The following KIAA0513 variants were observed in gnomAD, a reference collection of about 807,000 sequenced individuals.
The protein encoded by KIAA0513 is uncharacterized protein KIAA0513.
Under a neutral mutation model 56.5 loss-of-function variants are expected in KIAA0513, and 39 were observed. The ratio of observed to expected loss-of-function variants is 0.69; its 90% CI spans 0.53 to 0.90. KIAA0513 has a LOEUF of 0.90. KIAA0513 is among the 40% of genes least tolerant of loss of function. The pLI is 0.00. For synonymous variants in KIAA0513, 268 were observed against 215.6 expected (o/e 1.24, Z -2.13); for missense variants, 591 against 535.2 (o/e 1.10, Z -1.03).
intron 1 of KIAA0513, among the ~76,000 whole-genome samples, chr16:85,043,516 A>T (rs963493760): frequency 6.7e-6 from 1 of 149,250 alleles, no homozygotes; most frequent in African/African-American, 2.5e-5. Context: ...GGTTCAAGCA[A>T]TTCTCATGCC....
intron 1 of KIAA0513, among the ~76,000 whole-genome samples, chr16:85,029,005 A>G (rs2072926538): frequency 6.6e-6 from 1 of 152,214 alleles, no homozygotes; most frequent in Non-Finnish European, 1.5e-5. Context: ...CGTTCAAAGG[A>G]AAAAGGTTTG....
At chr16:85,082,127 G>C (rs2073752794) in intron 9 of KIAA0513, among the ~76,000 whole-genome samples, 1 of 152,226 alleles carries the variant, frequency 6.6e-6, no homozygotes, top group Non-Finnish European at 1.5e-5. Flanking sequence ...AGAGTGGGCA[G>C]ATGGCTGCTG....
At chr16:85,078,275 C>T (rs1235401309) in intron 6 of KIAA0513, 140 bp from the exon 7 acceptor site, 2 of 791,058 alleles carry the variant, frequency 2.5e-6, no homozygotes, top group Non-Finnish European at 2.0e-6. Flanking sequence ...ACAAATAGAG[C>T]CTTGATTTCA....
intron 1 of KIAA0513, among the ~76,000 whole-genome samples, chr16:85,044,125 G>A (rs1437813021): frequency 6.6e-6 from 1 of 152,190 alleles, no homozygotes; most frequent in Non-Finnish European, 1.5e-5. Flanking sequence ...ACCTCAATAG[G>A]ACAGAAAGAA....
chr16:85,054,743 C>T (rs2073304136), intron 1 of KIAA0513, among the ~76,000 whole-genome samples: 1 of 150,226 alleles, frequency 6.7e-6, no homozygotes, highest in African/African-American at 2.5e-5. Flanking sequence ...ATCCATGTTT[C>T]TGTACAGTAT....
chr16:85,088,362 A>G lies in KIAA0513; in HGVS notation c.*37A>G, dbSNP rs775777516. On this transcript the variant is annotated 3_prime_UTR_variant, in exon 13 of 13. Coordinates refer to ENST00000683363, the MANE Select transcript of KIAA0513 (RefSeq NM_001388359.1). Reference sequence around the variant, plus strand: ...CGCACTCCGCAGGAGGACTGAGGCCATGTGCCATTCTCCCGGGCCCAGCGC... The same window carrying G: ...CGCACTCCGCAGGAGGACTGAGGCCGTGTGCCATTCTCCCGGGCCCAGCGC... 3 of 1,589,576 alleles carry G rather than the reference A, an allele frequency of 1.9e-6. No homozygotes were observed. The highest frequency in any genetic ancestry group is 2.6e-6 in the Non-Finnish European group (3 of 1,165,908).
intron 6 of KIAA0513, among the ~76,000 whole-genome samples, chr16:85,078,131 T>G (rs1457759127): frequency 6.6e-6 from 1 of 152,154 alleles, no homozygotes; most frequent in Non-Finnish European, 1.5e-5. Context: ...CGGGGTCCCC[T>G]GTTCCCACTC....
intron 1 of KIAA0513, among the ~76,000 whole-genome samples, chr16:85,057,341 A>G (rs2073343847): frequency 6.6e-6 from 1 of 152,160 alleles, no homozygotes; most frequent in Non-Finnish European, 1.5e-5. Context: ...CATTTTACTG[A>G]CAGTCTTCCT....
intron 1 of KIAA0513, among the ~76,000 whole-genome samples, chr16:85,038,865 G>A (rs1255641948): frequency 6.6e-6 from 1 of 152,128 alleles, no homozygotes; most frequent in African/African-American, 2.4e-5. Flanking sequence ...AGTCTGATGT[G>A]GTCAGCAGGT....
At chr16:85,038,332 C>G (rs904072425) in intron 1 of KIAA0513, among the ~76,000 whole-genome samples, 3 of 152,236 alleles carry the variant, frequency 2.0e-5, no homozygotes, top group African/African-American at 7.2e-5. Context: ...CACAATCCAG[C>G]AGAAATGCAA....
At chr16:85,057,288 T>C (rs928786186) in intron 1 of KIAA0513, among the ~76,000 whole-genome samples, 4 of 152,202 alleles carry the variant, frequency 2.6e-5, no homozygotes, top group Non-Finnish European at 4.4e-5. Context: ...AATGATCATA[T>C]AGTTTTTTCT....
rs2144085753 is a variant in KIAA0513 at position 85,081,146 on chromosome 16, T to C, written c.903-169T>C. Reference sequence around the variant, plus strand: ...GGAGCCCCAGGGAAACAGCTGTAATTAGATCAAGCCATATGCTCAGTTTTT... The same window carrying C: ...GGAGCCCCAGGGAAACAGCTGTAATCAGATCAAGCCATATGCTCAGTTTTT... On this transcript the variant is annotated intron_variant, in intron 8 of 12. Coordinates refer to ENST00000683363, the MANE Select transcript of KIAA0513 (RefSeq NM_001388359.1). This position sits in a 1 kb window ranked among gnomAD's most constrained non-coding sequence, Gnocchi z 4.4. Among the ~76,000 whole-genome samples, 1 of 152,348 alleles carries C rather than the reference T, an allele frequency of 6.6e-6. No homozygotes were observed. The highest frequency in any genetic ancestry group is 3.4e-3 in the Middle Eastern group (1 of 294).
At position 85,067,204 on chromosome 16, in the gene KIAA0513, A is replaced by C. The variant is rs1006950264; in HGVS notation, c.133A>C (p.Ser45Arg). 1.2e-6 allele frequency: 2 copies of C among 1,614,014 alleles called. No individual in the cohort carries two copies. The highest frequency in any genetic ancestry group is 1.7e-6 in the Non-Finnish European group (2 of 1,179,994). Reference protein sequence around the residue: ...DGSLGDGASESETTESADSEN... With the variant: ...DGSLGDGASERETTESADSEN... Reference sequence around the variant, plus strand: ...CTCCCTGGGGGACGGTGCATCAGAGAGTGAGACCACTGAGTCTGCGGACAG... The same window carrying C: ...CTCCCTGGGGGACGGTGCATCAGAGCGTGAGACCACTGAGTCTGCGGACAG... Residue 45 changes from serine to arginine, a missense_variant, in exon 2 of 13, where the codon AGT becomes CGT. Physicochemically the swap from Ser to Arg is moderately radical, Grantham distance 110. Coordinates refer to ENST00000683363, the MANE Select transcript of KIAA0513 (RefSeq NM_001388359.1).
At chr16:85,071,757 C>CTT in intron 2 of KIAA0513, 26 bp from the exon 3 acceptor site, 1 of 1,266,990 alleles carries the variant, frequency 7.9e-7, no homozygotes. Flanking sequence ...TTTTTTTTTT[C>CTT]CTCTGCTCTT....
rs941859922 is a variant in KIAA0513, at chr16:85,076,079, C to T, written c.574+165C>T. 4.6e-5 allele frequency among the ~76,000 whole-genome samples: 7 copies of T among 152,018 alleles called. No homozygotes were observed. Among genetic ancestry groups the T allele is most frequent in the African/African-American group, 1.2e-4 (5 of 41,344 alleles). ...GTGAGACTTCGGAGAAAACACAGTCCGAATCATGGGGCAGGAGGTTGACTG... is the reference window on the plus strand; with the variant it reads ...GTGAGACTTCGGAGAAAACACAGTCTGAATCATGGGGCAGGAGGTTGACTG... On this transcript the variant is annotated intron_variant, in intron 5 of 12. Coordinates refer to ENST00000683363, the MANE Select transcript of KIAA0513 (RefSeq NM_001388359.1). This position sits in a 1 kb window ranked among gnomAD's most constrained non-coding sequence, Gnocchi z 4.7.
intron 10 of KIAA0513, among the ~76,000 whole-genome samples, chr16:85,085,485 C>T (rs1449766141): frequency 6.6e-6 from 1 of 152,248 alleles, no homozygotes; most frequent in Admixed American, 6.5e-5. Context: ...TGATCTTCCT[C>T]TCAACCTTAT....
intron 1 of KIAA0513, among the ~76,000 whole-genome samples, chr16:85,029,789 A>G (rs1360898646): frequency 1.3e-5 from 2 of 152,240 alleles, no homozygotes; most frequent in African/African-American, 4.8e-5. Flanking sequence ...ATTGCCCGTA[A>G]TAACCCTCAC....
intron 6 of KIAA0513, among the ~76,000 whole-genome samples, chr16:85,078,171 C>T (rs2073686796): frequency 6.6e-6 from 1 of 152,188 alleles, no homozygotes; most frequent in African/African-American, 2.4e-5. Flanking sequence ...GTGCCTTGGC[C>T]TCCTCCTCTA....
chr16:85,083,427 C>CGGCTTTCAAAGGAGGACTTAGG (rs368208101), intron 10 of KIAA0513, among the ~76,000 whole-genome samples: 5 of 152,320 alleles, frequency 3.3e-5, no homozygotes, highest in African/African-American at 1.2e-4. Context: ...TGCAGACTTA[C>CGGCTTTCAAAGGAGGACTTAGG]GGCTTTCAAA....
Sources: allele counts gnomAD v4.1 joint callset (sites outside exome capture counted in the v4.1 genomes callset), GRCh38; gene constraint gnomAD v4.1.1; non-coding constraint Gnocchi (gnomAD v3.1); transcripts MANE v1.5; gene names NCBI Gene and HGNC (gene_info 2026-07-23, HGNC 2026-07-21).